The following TSHZ2 variants were observed in gnomAD, a reference collection of about 807,000 sequenced individuals.
TSHZ2 encodes the protein teashirt homolog 2.
Under a neutral mutation model 74.4 loss-of-function variants are expected in TSHZ2, and 21 were observed. The ratio of observed to expected loss-of-function variants is 0.28; its 90% CI spans 0.20 to 0.41. The LOEUF (loss-of-function observed/expected upper bound fraction) is 0.41, where lower values mean the gene tolerates loss of function less well. TSHZ2 is among the 10% of genes least tolerant of loss of function. The probability of loss-of-function intolerance (pLI) is 1.00; values close to 1 mark genes in which losing one functional copy is unlikely to be tolerated. For synonymous variants in TSHZ2, 540 were observed against 515.3 expected, an observed-to-expected ratio of 1.05 and a Z score of -0.65; for missense variants, 1,244 against 1,293.5, an observed-to-expected ratio of 0.96 and a Z score of 0.59.
chr20:52,989,738 C>T (rs868733871), intron 1 of TSHZ2, among the ~76,000 whole-genome samples: 2 of 151,672 alleles, frequency 1.3e-5, no homozygotes, highest in African/African-American at 2.4e-5. Context: ...ATCTAGTGTG[C>T]GTATCTTCCA....
intron 2 of TSHZ2, among the ~76,000 whole-genome samples, chr20:53,414,430 G>A (rs1983164091): frequency 6.6e-6 from 1 of 152,004 alleles, no homozygotes; most frequent in South Asian, 2.1e-4. Flanking sequence ...GACCAGCCTA[G>A]ACAATATAGC....
At chr20:53,316,522 T>G (rs1979027889) in intron 2 of TSHZ2, among the ~76,000 whole-genome samples, 1 of 151,860 alleles carries the variant, frequency 6.6e-6, no homozygotes, top group Non-Finnish European at 1.5e-5. Context: ...CCTCGAAGAC[T>G]GATCAGGTTA....
At chr20:53,038,788 C>T (rs112199185) in intron 1 of TSHZ2, among the ~76,000 whole-genome samples, 13,512 of 151,566 alleles carry the variant, frequency 0.089, 753 homozygotes, top group African/African-American at 0.15. Context: ...GATACTCATG[C>T]AGACATATGT....
intron 2 of TSHZ2, among the ~76,000 whole-genome samples, chr20:53,451,974 A>G (rs1226909512): frequency 1.3e-5 from 2 of 152,276 alleles, no homozygotes; most frequent in Non-Finnish European, 2.9e-5. Context: ...AGATAGACTT[A>G]GTGTTACTCA....
At chr20:53,320,702 A>G (rs2145521167) in intron 2 of TSHZ2, among the ~76,000 whole-genome samples, 1 of 152,342 alleles carries the variant, frequency 6.6e-6, no homozygotes, top group East Asian at 1.9e-4. Context: ...CTTTGACTCA[A>G]CAGAAAAAAT....
At chr20:53,076,454 A>G (rs1985366283) in intron 1 of TSHZ2, among the ~76,000 whole-genome samples, 1 of 152,230 alleles carries the variant, frequency 6.6e-6, no homozygotes, top group Non-Finnish European at 1.5e-5. Flanking sequence ...CCTTGCCTTC[A>G]CAGAGCTCAC....
intron 2 of TSHZ2, among the ~76,000 whole-genome samples, chr20:53,429,201 G>A (rs1568913393): frequency 6.6e-6 from 1 of 152,184 alleles, no homozygotes; most frequent in East Asian, 1.9e-4. Flanking sequence ...GGAACACAGA[G>A]CAACCTCCAC....
At chr20:53,129,521 T>G (rs1987042535) in intron 1 of TSHZ2, among the ~76,000 whole-genome samples, 1 of 152,222 alleles carries the variant, frequency 6.6e-6, no homozygotes, top group Admixed American at 6.5e-5. Context: ...ATAGCTATAA[T>G]ATATCAATAA....
At chr20:53,153,911 C>G (rs1470153744) in intron 1 of TSHZ2, among the ~76,000 whole-genome samples, 1 of 152,178 alleles carries the variant, frequency 6.6e-6, no homozygotes, top group African/African-American at 2.4e-5. Flanking sequence ...CTCTCATCCT[C>G]CAGCAGGCTA....
intron 2 of TSHZ2, among the ~76,000 whole-genome samples, chr20:53,396,922 A>C (rs772363765): frequency 2.0e-5 from 3 of 152,050 alleles, no homozygotes; most frequent in Non-Finnish European, 4.4e-5. Flanking sequence ...CAAGGCAAAC[A>C]TGTAGAAAGC....
chr20:53,395,090 T>C (rs1442991363), intron 2 of TSHZ2, among the ~76,000 whole-genome samples: 1 of 152,056 alleles, frequency 6.6e-6, no homozygotes, highest in Non-Finnish European at 1.5e-5. Context: ...TAGAATTCAG[T>C]CATGTGAAAT....
chr20:53,437,644 T>A (rs1984139237), intron 2 of TSHZ2, among the ~76,000 whole-genome samples: 1 of 152,168 alleles, frequency 6.6e-6, no homozygotes, highest in Non-Finnish European at 1.5e-5. Context: ...CCCGACATGG[T>A]TTGGATCTTT....
intron 1 of TSHZ2, among the ~76,000 whole-genome samples, chr20:53,210,726 G>A (rs946250206): frequency 5.3e-5 from 8 of 151,840 alleles, no homozygotes; most frequent in East Asian, 1.9e-4. Context: ...CTTGATGGGG[G>A]GGCTCTTTGC....
At chr20:53,135,547 G>A (rs1262781363) in intron 1 of TSHZ2, among the ~76,000 whole-genome samples, 1 of 152,300 alleles carries the variant, frequency 6.6e-6, no homozygotes, top group Admixed American at 6.5e-5. Context: ...GTTCTCCCAA[G>A]AGTGGAGATT....
At chr20:53,435,342 G>A (rs994162336) in intron 2 of TSHZ2, among the ~76,000 whole-genome samples, 1 of 152,194 alleles carries the variant, frequency 6.6e-6, no homozygotes, top group Non-Finnish European at 1.5e-5. Context: ...ACCAGGACAA[G>A]AGGGTGATTT....
At chr20:53,394,774 A>C (rs1409408669) in intron 2 of TSHZ2, among the ~76,000 whole-genome samples, 5 of 150,488 alleles carry the variant, frequency 3.3e-5, no homozygotes, top group African/African-American at 7.4e-5. Context: ...AAAAAAAAAA[A>C]AAAAAACTGT....
At chr20:53,120,700 T>G (rs950128950) in intron 1 of TSHZ2, among the ~76,000 whole-genome samples, 1 of 152,130 alleles carries the variant, frequency 6.6e-6, no homozygotes, top group Non-Finnish European at 1.5e-5. Context: ...AACTCTTACC[T>G]CTTATAAAAA....
At chr20:53,228,409 A>T (rs1292712992) in intron 1 of TSHZ2, among the ~76,000 whole-genome samples, 1 of 152,226 alleles carries the variant, frequency 6.6e-6, no homozygotes, top group East Asian at 1.9e-4. Context: ...GCTGAGAGTT[A>T]CTAATTTGTA....
intron 2 of TSHZ2, among the ~76,000 whole-genome samples, chr20:53,288,233 GTC>G (rs1991205663): frequency 6.6e-6 from 1 of 152,016 alleles, no homozygotes; most frequent in Non-Finnish European, 1.5e-5. Context: ...GTAAAACCCT[GTC>G]TGGACTAAAA....
Sources: gnomAD v4.1 joint callset for allele counts (sites outside exome capture counted in the v4.1 genomes callset) on GRCh38, gnomAD v4.1.1 for gene constraint, MANE v1.5 for transcripts, NCBI Gene and HGNC (gene_info 2026-07-23, HGNC 2026-07-21) for gene names.